HDAC6: variants seen among roughly 807,000 people sequenced by gnomAD.
HDAC6 encodes histone deacetylase 6.
HDAC6 carries 5 observed loss-of-function variants against 88.9 expected under a neutral mutation model. The observed-to-expected ratio is 0.06, with a 90% confidence interval of 0.03 to 0.12. The LOEUF (loss-of-function observed/expected upper bound fraction) is 0.12, where lower values mean the gene tolerates loss of function less well. Among genes scored for constraint, HDAC6 ranks in the 10% least tolerant of loss-of-function variants. The probability of loss-of-function intolerance (pLI) is 1.00; values close to 1 mark genes in which losing one functional copy is unlikely to be tolerated. For missense variants in HDAC6, 706 were observed against 1,014.4 expected, an observed-to-expected ratio of 0.70 and a Z score of 4.13; for synonymous variants, 378 against 398.0, an observed-to-expected ratio of 0.95 and a Z score of 0.60.
chrX:48,817,211 C>T, intron 19 of HDAC6, 115 bp from the exon 20 acceptor site: 1 of 851,894 alleles, frequency 1.2e-6, no homozygotes, highest in East Asian at 3.9e-5. Flanking sequence ...GAGATGGCGC[C>T]ACTGCATTCC....
At chrX:48,802,390 C>CG in intron 1 of HDAC6, 3 of 903,846 alleles carry the variant, frequency 3.3e-6, no homozygotes, top group Non-Finnish European at 4.3e-6. Flanking sequence ...TGTGTGAGCC[C>CG]GGGGGCTCAT....
intron 10 of HDAC6, 121 bp from the exon 11 acceptor site, chrX:48,814,319 A>G (rs1202289149): frequency 3.0e-6 from 2 of 655,993 alleles, no homozygotes; most frequent in African/African-American, 2.2e-5. Flanking sequence ...AATGAATGAG[A>G]GAATGAACGA....
Position 48,803,118 on chromosome X carries a change from T to A in HDAC6, c.223-10T>A, listed in dbSNP as rs190360216. On this transcript the variant is annotated splice_polypyrimidine_tract_variant and intron_variant, in intron 3 of 28. Transcript: ENST00000334136. ...ATGGATCTGTGTCTCCTTTTTTTTT[T>A]CCTCTGCAGGATCTGAACCTTGAGG... is the stretch of plus-strand genomic sequence containing the variant. The A allele has an allele frequency of 3.3e-6, 4 of 1,206,103 alleles. No individual in the cohort carries two copies. In the South Asian group the frequency reaches 5.3e-5, roughly 16 times the overall value.
intron 10 of HDAC6, among the ~76,000 whole-genome samples, chrX:48,809,800 TA>T (rs1386161104): frequency 2.4e-3 from 229 of 96,783 alleles, no homozygotes; most frequent in Admixed American, 2.1e-3. Flanking sequence ...AGACCCCATC[TA>T]AAAAAAAAAA....
chrX:48,819,835 C>T (rs1473879881), intron 22 of HDAC6: 2 of 434,872 alleles, frequency 4.6e-6, no homozygotes, highest in Non-Finnish European at 8.3e-6. Flanking sequence ...CCACCATGCC[C>T]GGCCCCCATC....
chrX:48,801,857 C>T, upstream of HDAC6: 1 of 971,736 alleles, frequency 1.0e-6, no homozygotes, highest in Non-Finnish European at 1.3e-6. Context: ...AAAGCCTGAG[C>T]GCTCGCGTCC....
chrX:48,804,594 A>G (rs782450059), intron 4 of HDAC6, among the ~76,000 whole-genome samples: 2 of 112,560 alleles, frequency 1.8e-5, no homozygotes, highest in Non-Finnish European at 3.7e-5. Flanking sequence ...TTACTATGGG[A>G]AAAAGACTTC....
At chrX:48,816,105 G>A in intron 17 of HDAC6, 36 bp from the exon 18 acceptor site, 2 of 1,209,981 alleles carry the variant, frequency 1.7e-6, no homozygotes, top group Non-Finnish European at 2.2e-6. Flanking sequence ...TCCCCCTCAG[G>A]CACTAAGCCT....
At chrX:48,802,012 G>A (rs2062733319), upstream of HDAC6, 1 of 950,125 alleles carries the variant, frequency 1.1e-6, no homozygotes, top group African/African-American at 2.0e-5. Context: ...GCTAGGGACT[G>A]GCTGAAGAGG....
chrX:48,817,522 GC>G, intron 20 of HDAC6, 63 bp downstream of exon 20: 1 of 1,065,554 alleles, frequency 9.4e-7, no homozygotes, highest in Non-Finnish European at 1.3e-6. Context: ...GCTCCCCCCA[GC>G]CCATTGTTTA....
upstream of HDAC6, chrX:48,801,539 G>T: frequency 5.1e-6 from 1 of 195,049 alleles, no homozygotes; most frequent in Non-Finnish European, 9.6e-6. Flanking sequence ...GGCGGCTATG[G>T]CATCCGGGAC....
At chrX:48,819,711 T>A (rs2063049127) in intron 22 of HDAC6, 1 of 254,105 alleles carries the variant, frequency 3.9e-6, no homozygotes, top group Non-Finnish European at 7.3e-6. Context: ...GTCTGGCTAA[T>A]TTTTTGTATT....
chrX:48,824,289 C>T lies in HDAC6; in HGVS notation c.3574C>T (p.His1192Tyr), dbSNP rs781823349. The change falls in exon 28 of 29, where the codon CAC becomes TAC. Residue 1192 changes from histidine (H) to tyrosine (Y), a missense_variant. Transcript: ENST00000334136. The part of the protein sequence containing the change: ...WCYYCQAYVH[H>Y]QALLDVKNIA... ...TTACTACTGTCAGGCCTATGTCCAC[C>T]ACCAGGTGGGCCCTGGGTAGACCCT... 26 of 1,209,274 alleles carry T rather than the reference C, an allele frequency of 2.2e-5. No individual in the cohort carries two copies. Among genetic ancestry groups the T allele is most frequent in the Non-Finnish European group, 2.8e-5 (25 of 894,237 alleles).
chrX:48,808,357 C>T (rs1557025085), intron 10 of HDAC6, 31 bp downstream of exon 10: 2 of 1,090,205 alleles, frequency 1.8e-6, no homozygotes, highest in South Asian at 2.0e-5. Flanking sequence ...AGGTGCTAGA[C>T]TCCCAGCCAC....
chrX:48,801,429 A>T (rs1304670966), upstream of HDAC6: 1 of 116,939 alleles, frequency 8.6e-6, no homozygotes, highest in Non-Finnish European at 1.8e-5. Flanking sequence ...TCGCGGGGAA[A>T]AGGTAAGATG....
At position 48,824,001 on chromosome X, in the gene HDAC6, A is replaced by G. The variant is rs1557031432; in HGVS notation, c.3383A>G (p.Asp1128Gly). Residue 1128 changes from aspartate (D) to glycine (G), a missense_variant, in exon 27 of 29, where the codon GAC becomes GGC. Coordinates refer to ENST00000334136, the MANE Select transcript of HDAC6 (RefSeq NM_006044.4). ...AVCPIPAAGL[D>G]VTQPCGDCGT... The stretch of plus-strand genomic sequence containing the variant: ...TGCCCCATACCTGCAGCAGGCCTAG[A>G]CGTGACCCAACCTTGTGGGGACTGT... 2.5e-6 allele frequency: 3 copies of G among 1,211,490 alleles called. No homozygotes were observed. The highest frequency in any genetic ancestry group is 4.6e-4 in the Middle Eastern group (2 of 4,353).
rs2062781225 is a variant in HDAC6, at chrX:48,804,486, T to C, written c.312-952T>C. On this transcript the variant is annotated intron_variant, in intron 4 of 28. Coordinates refer to ENST00000334136, the MANE Select transcript of HDAC6 (RefSeq NM_006044.4). ...CCTGGCCAAACCCTACCCCAATACC[T>C]GATCTTATTTTCCTAGCCCATGACA... Among the ~76,000 whole-genome samples the C allele has an allele frequency of 3.6e-5, 4 of 112,517 alleles. No homozygotes were observed. In the Admixed American group the frequency reaches 3.8e-4, roughly 11 times the overall value.
chrX:48,817,578 G>A, intron 20 of HDAC6, 119 bp downstream of exon 20: 1 of 700,165 alleles, frequency 1.4e-6, no homozygotes, highest in East Asian at 3.6e-5. Context: ...TCCCCAGAAA[G>A]AAGTAAGGGT....
intron 23 of HDAC6, 45 bp downstream of exon 23, chrX:48,820,300 GGAAATGT>G: frequency 9.3e-7 from 1 of 1,073,320 alleles, no homozygotes; most frequent in Non-Finnish European, 1.2e-6. Context: ...AGGGTAGTTT[GGAAATGT>G]TGGCACCATC....
Sources: gnomAD v4.1 joint callset for allele counts (sites outside exome capture counted in the v4.1 genomes callset) on GRCh38, gnomAD v4.1.1 for gene constraint, MANE v1.5 for transcripts, NCBI Gene and HGNC (gene_info 2026-07-23, HGNC 2026-07-21) for gene names.